Variants in RNF25 observed in about 807,000 individuals in gnomAD.
RNF25 encodes ring finger protein 25.
Under a neutral mutation model 65.0 loss-of-function variants are expected in RNF25, and 32 were observed. That is an observed-to-expected ratio of 0.49 (90% CI 0.37 to 0.66). The LOEUF is 0.66. RNF25 is among the 30% of genes least tolerant of loss of function. The pLI is 0.00. For missense variants in RNF25, 493 were observed against 584.8 expected, an observed-to-expected ratio of 0.84 and a Z score of 1.62; for synonymous variants, 207 against 221.2, an observed-to-expected ratio of 0.94 and a Z score of 0.57.
chr2:218,671,142 C>T (rs1298708210), intron 1 of RNF25, among the ~76,000 whole-genome samples: 1 of 152,216 alleles, frequency 6.6e-6, no homozygotes, highest in East Asian at 1.9e-4. Context: ...CCACCGCACT[C>T]CAGCGTGGGC....
intron 1 of RNF25, among the ~76,000 whole-genome samples, chr2:218,670,911 G>A (rs1939948838): frequency 6.6e-6 from 1 of 152,016 alleles, no homozygotes; most frequent in African/African-American, 2.4e-5. Context: ...GGTGGCTCAC[G>A]CCTGTAATTC....
At chr2:218,671,066 G>A (rs1405936451) in intron 1 of RNF25, among the ~76,000 whole-genome samples, 1 of 152,154 alleles carries the variant, frequency 6.6e-6, no homozygotes, top group African/African-American at 2.4e-5. Context: ...TCAGCTACTC[G>A]GAAGGCTGAG....
In RNF25 at chr2:218,668,213, T is replaced by A. The variant is rs778294037; in HGVS notation, c.219+26A>T. 1.9e-6 allele frequency: 3 copies of A among 1,612,490 alleles called. No homozygotes were observed. In the African/African-American group the frequency reaches 4.0e-5, roughly 22 times the overall value. On this transcript the variant is annotated intron_variant, in intron 3 of 9. Coordinates refer to ENST00000295704, the MANE Select transcript of RNF25 (RefSeq NM_022453.3). ...CCCAGGGACTCTCCCCTTCCTCCCT[T>A]TGCTGCCACACAGTAGGGGCTTCAC... is the stretch of plus-strand genomic sequence containing the variant.
Position 218,666,017 on chromosome 2 carries a change from G to A in RNF25, c.472C>T (p.His158Tyr). 6.2e-7 allele frequency: 1 copy of A among 1,614,142 alleles called. No homozygotes were observed. The highest frequency in any genetic ancestry group is 8.5e-7 in the Non-Finnish European group (1 of 1,180,000). ...FTKTPCYHYFHCHCLARYIQH... is the reference protein window; with the variant it reads ...FTKTPCYHYFYCHCLARYIQH... ...ATGTACCGAGCAAGGCAGTGGCAGT[G>A]GAAGTAGTGGTAACAGGGTGTTTTG... The change falls in exon 7 of 10, where the codon CAC (histidine) becomes TAC (tyrosine). Residue 158 changes from histidine to tyrosine, a missense_variant. By Grantham distance (83) the His-to-Tyr change is moderately conservative (BLOSUM62 2). This residue lies in a region of RNF25 where 351 missense variants were observed against 400.2 expected (regional missense o/e 0.88). Transcript: ENST00000295704.
chr2:218,666,117 C>A, intron 6 of RNF25, 42 bp downstream of exon 6: 1 of 1,611,850 alleles, frequency 6.2e-7, no homozygotes, highest in Non-Finnish European at 8.5e-7. Flanking sequence ...CCCTCATCTG[C>A]TGGTCCCAAA....
chr2:218,667,355 CTTT>C (rs1327336798), intron 5 of RNF25, among the ~76,000 whole-genome samples: 4 of 139,514 alleles, frequency 2.9e-5, no homozygotes, highest in South Asian at 2.3e-4. Context: ...ATGACTTTTT[CTTT>C]TTTTTTTTTT....
intron 7 of RNF25, 107 bp from the exon 8 acceptor site, chr2:218,665,354 G>C (rs1361352667): frequency 1.1e-6 from 1 of 919,874 alleles, no homozygotes; most frequent in African/African-American, 1.7e-5. Flanking sequence ...AGGGCACAGG[G>C]ACACCGGTTC....
rs1243448777 is a variant in RNF25, at chr2:218,663,895, G to A, written c.*62C>T. 7.6e-7 allele frequency: 1 copy of A among 1,320,724 alleles called. No individual in the cohort carries two copies. The highest frequency in any genetic ancestry group is 2.0e-4 in the Middle Eastern group (1 of 5,100). The allele number at this position is 1,320,724 out of a possible 1,614,324, so 81.8% of individuals were successfully genotyped here. A position where few individuals can be genotyped will look rare whatever the true frequency, so the allele number is the denominator to read the frequency against. On this transcript the variant is annotated 3_prime_UTR_variant, in exon 10 of 10. Coordinates refer to ENST00000295704, the MANE Select transcript of RNF25 (RefSeq NM_022453.3). ...CTGCTAAGCAAAGAAAGCCAAAGAA[G>A]GCCAAATATCTTTATTGCCTCCCTC...
At chr2:218,668,218 G>T (rs373755582) in intron 3 of RNF25, 21 bp downstream of exon 3, 2 of 1,612,304 alleles carry the variant, frequency 1.2e-6, no homozygotes, top group Admixed American at 1.7e-5. Flanking sequence ...TCCCTTTGCT[G>T]CCACACAGTA....
intron 1 of RNF25, 79 bp downstream of exon 1, chr2:218,671,851 G>T: frequency 6.5e-7 from 1 of 1,527,774 alleles, no homozygotes; most frequent in East Asian, 2.3e-5. Context: ...CACGCCCGCC[G>T]TACGGACCGT....
intron 1 of RNF25, among the ~76,000 whole-genome samples, chr2:218,670,695 CAAAAAAAA>C (rs34923737): frequency 0.012 from 388 of 32,354 alleles, 1 homozygote; most frequent in African/African-American, 0.032. Flanking sequence ...GACTCCGTCT[CAAAAAAAA>C]AAAAAAAAAA....
intron 5 of RNF25, among the ~76,000 whole-genome samples, chr2:218,667,590 A>G (rs1939848033): frequency 6.6e-6 from 1 of 152,186 alleles, no homozygotes; most frequent in Non-Finnish European, 1.5e-5. Context: ...GACGCCCCCA[A>G]GCAAGATGCG....
chr2:218,666,074 G>A lies in RNF25; in HGVS notation c.430-15C>T. 6.2e-7 allele frequency: 1 copy of A among 1,613,092 alleles called. No homozygotes were observed. The highest frequency in any genetic ancestry group is 8.5e-7 in the Non-Finnish European group (1 of 1,179,150). On this transcript the variant is annotated splice_polypyrimidine_tract_variant and intron_variant, in intron 6 of 9. Transcript: ENST00000295704. ...GCCTCCTTCTCCTAGAGGGAAGGCA[G>A]ATGTAGGGCACTAAGTCAGAGCTCT...
At chr2:218,668,711 T>A in intron 1 of RNF25, 32 bp from the exon 2 acceptor site, 1 of 1,471,704 alleles carries the variant, frequency 6.8e-7, no homozygotes, top group Non-Finnish European at 9.5e-7. Flanking sequence ...AACTTACCAT[T>A]ACAGCTCTCC....
Position 218,664,063 on chromosome 2 carries a change from C to T in RNF25, c.1274G>A (p.Gly425Asp), listed in dbSNP as rs1237053275. ...AGGGTAGGAAGAACCGGGTGTCCGG[C>T]CTTTAGAGCGCTCCCAGCGAACACA... is the stretch of plus-strand genomic sequence containing the variant. Reference protein sequence around the residue: ...RDCVRWERSKGRTPGSSYPRL... With the variant: ...RDCVRWERSKDRTPGSSYPRL... The change falls in exon 10 of 10, where the codon GGC (glycine) becomes GAC (aspartate). Residue 425 changes from glycine (G) to aspartate (D), a missense_variant. Physicochemically the swap from Gly to Asp is moderately conservative, Grantham distance 94. Around this residue, in one of 3 missense-constraint regions of RNF25, gnomAD observed 351 missense variants for 400.2 expected, o/e 0.88. Coordinates refer to ENST00000295704, the MANE Select transcript of RNF25 (RefSeq NM_022453.3). The surrounding 1 kb of genome is among the most constrained non-coding windows in gnomAD (Gnocchi z 5.1). 4.6e-6 allele frequency: 7 copies of T among 1,507,196 alleles called. No individual in the cohort carries two copies. Among genetic ancestry groups the T allele is most frequent in the South Asian group, 2.8e-5 (2 of 71,710 alleles). The allele number at this position is 1,507,196 out of a possible 1,614,324, so 93.4% of individuals were successfully genotyped here. A position where few individuals can be genotyped will look rare whatever the true frequency, so the allele number is the denominator to read the frequency against.
At position 218,665,265 on chromosome 2, in the gene RNF25, C is replaced by G; in HGVS notation, c.574-18G>C. On this transcript the variant is annotated intron_variant, in intron 7 of 9. Transcript: ENST00000295704. ...ACTGCCTTCTAAAAAAGAGAAAAAT[C>G]ATATGCCTGTGTCACAGCCCAGGAT... The G allele has an allele frequency of 6.2e-7, 1 of 1,610,140 alleles. No individual in the cohort carries two copies. Among genetic ancestry groups the G allele is most frequent in the Non-Finnish European group, 8.5e-7 (1 of 1,177,294 alleles).
chr2:218,666,124 C>T (rs946764793), intron 6 of RNF25, 35 bp downstream of exon 6: 7 of 1,612,450 alleles, frequency 4.3e-6, no homozygotes, highest in Non-Finnish European at 4.2e-6. Flanking sequence ...CTGCTGGTCC[C>T]AAACAGAATG....
chr2:218,667,895 A>G lies in RNF25; in HGVS notation c.357+17T>C. The G allele has an allele frequency of 6.2e-7, 1 of 1,611,052 alleles. No homozygotes were observed. Among genetic ancestry groups the G allele is most frequent in the Non-Finnish European group, 8.5e-7 (1 of 1,177,676 alleles). On this transcript the variant is annotated intron_variant, in intron 5 of 9. Transcript: ENST00000295704. ...GCTTGAAGGAAAGAACATATCTCAG[A>G]CTAGCGCACCTCTTACCTCAATGAG... is the stretch of plus-strand genomic sequence containing the variant.
intron 1 of RNF25, among the ~76,000 whole-genome samples, chr2:218,670,115 C>T (rs528492888): frequency 1.0e-4 from 15 of 150,678 alleles, no homozygotes; most frequent in Non-Finnish European, 1.8e-4. Flanking sequence ...AGAAGAATCA[C>T]GGGAGCCCAG....
Sources: gnomAD v4.1 joint callset for allele counts (sites outside exome capture counted in the v4.1 genomes callset) on GRCh38, gnomAD v4.1.1 for gene constraint, gnomAD v4.1.1 regional missense constraint, Gnocchi (gnomAD v3.1) non-coding constraint, MANE v1.5 for transcripts, NCBI Gene and HGNC (gene_info 2026-07-23, HGNC 2026-07-21) for gene names.